Variants in NFXL1 observed in about 807,000 individuals in gnomAD.
NFXL1 encodes NF-X1-type zinc finger protein NFXL1.
In NFXL1, 66 loss-of-function variants were observed where a neutral mutation model predicts 123.3. The ratio of observed to expected loss-of-function variants is 0.54; its 90% CI spans 0.44 to 0.66. NFXL1 has a LOEUF of 0.66. Ranked by LOEUF, NFXL1 falls within the 30% of genes least tolerant of loss-of-function variation. The pLI, the probability that NFXL1 is intolerant of heterozygous loss-of-function variation, is 0.00. For missense variants in NFXL1, 944 were observed against 1,125.6 expected (o/e 0.84, Z 2.31); for synonymous variants, 346 against 360.8 (o/e 0.96, Z 0.46).
chr4:47,895,783 A>T lies in NFXL1; in HGVS notation c.1329+740T>A, dbSNP rs546317063. 2.0e-4 allele frequency among the ~76,000 whole-genome samples: 30 copies of T among 152,296 alleles called. 1 individual carries two copies. The South Asian group carries it at 6.2e-3, about 32-fold the overall frequency. ...GTAGCAATTTTAATTTCCTTCAGGA[A>T]CTTTTCCTTTGCATTCACAACATGG... On this transcript the variant is annotated intron_variant, in intron 10 of 22. Transcript: ENST00000507489.
At chr4:47,905,394 T>C (rs1175895199) in intron 3 of NFXL1, 48 bp from the exon 4 acceptor site, 2 of 880,332 alleles carry the variant, frequency 2.3e-6, no homozygotes, top group South Asian at 1.4e-5. Context: ...CATCTGAAAA[T>C]AACACAAACT....
intron 17 of NFXL1, chr4:47,877,280 A>C (rs1363332203): frequency 9.8e-6 from 4 of 406,326 alleles, no homozygotes; most frequent in Non-Finnish European, 2.0e-5. Flanking sequence ...TTACTAAATT[A>C]TCTTCCTGGA....
At chr4:47,913,148 T>G (rs1018565086) in intron 2 of NFXL1, among the ~76,000 whole-genome samples, 1 of 152,026 alleles carries the variant, frequency 6.6e-6, no homozygotes, top group Non-Finnish European at 1.5e-5. Context: ...GAAAAATCAT[T>G]CAAGATACTC....
intron 18 of NFXL1, among the ~76,000 whole-genome samples, chr4:47,871,574 C>T (rs533850278): frequency 7.2e-5 from 11 of 152,226 alleles, no homozygotes; most frequent in Admixed American, 7.2e-4. Context: ...TCAATGGATG[C>T]TAAAATTCGT....
chr4:47,874,806 T>A (rs996359000), intron 18 of NFXL1, among the ~76,000 whole-genome samples: 12 of 152,352 alleles, frequency 7.9e-5, no homozygotes, highest in Admixed American at 6.5e-4. Flanking sequence ...AAATTTTGAT[T>A]GAAAAAAATT....
Position 47,894,811 on chromosome 4 carries a change from T to C in NFXL1, c.1330-509A>G, listed in dbSNP as rs572605409. On this transcript the variant is annotated intron_variant, in intron 10 of 22. Transcript: ENST00000507489. ...ATGTTGATATTTTGACCTACTCTCGTTATAATGAATGTTCTGAATGGCATC... is the reference window on the plus strand; with the variant it reads ...ATGTTGATATTTTGACCTACTCTCGCTATAATGAATGTTCTGAATGGCATC... Among the ~76,000 whole-genome samples the C allele has an allele frequency of 2.6e-5, 4 of 152,326 alleles. No individual in the cohort carries two copies. The South Asian group carries it at 8.3e-4, about 32-fold the overall frequency.
At chr4:47,902,468 A>G (rs1203437093) in intron 5 of NFXL1, among the ~76,000 whole-genome samples, 1 of 152,214 alleles carries the variant, frequency 6.6e-6, no homozygotes, top group Non-Finnish European at 1.5e-5. Context: ...ATTGTATAAT[A>G]TACACCTGCA....
intron 19 of NFXL1, among the ~76,000 whole-genome samples, chr4:47,857,555 C>T (rs1283253605): frequency 2.0e-5 from 3 of 152,150 alleles, no homozygotes; most frequent in Admixed American, 1.3e-4. Context: ...ATTTCATTGA[C>T]GACTTCAAAG....
rs1002305984 is a variant in NFXL1, at chr4:47,851,159, A to G, written c.2509-11T>C. On this transcript the variant is annotated splice_polypyrimidine_tract_variant and intron_variant, in intron 21 of 22. Coordinates refer to ENST00000507489, the MANE Select transcript of NFXL1 (RefSeq NM_001278624.2). ...TTCTGCTTCTTTTATCTGTTTATACACATACAAAAGTCAATTTACAATTTA... is the reference window on the plus strand; with the variant it reads ...TTCTGCTTCTTTTATCTGTTTATACGCATACAAAAGTCAATTTACAATTTA... 6.2e-6 allele frequency: 10 copies of G among 1,600,404 alleles called. No homozygotes were observed. The highest frequency in any genetic ancestry group is 7.7e-6 in the Non-Finnish European group (9 of 1,168,478).
intron 19 of NFXL1, among the ~76,000 whole-genome samples, chr4:47,858,761 C>CA (rs936042452): frequency 6.6e-6 from 1 of 152,158 alleles, no homozygotes; most frequent in African/African-American, 2.4e-5. Context: ...TACAGTCAGA[C>CA]AGGGACCTTG....
chr4:47,894,302 C>T lies in NFXL1; in HGVS notation c.1330G>A (p.Glu444Lys). The T allele has an allele frequency of 6.4e-7, 1 of 1,573,676 alleles. No homozygotes were observed. Among genetic ancestry groups the T allele is most frequent in the Non-Finnish European group, 8.6e-7 (1 of 1,160,986 alleles). Residue 444 changes from glutamate to lysine, a missense_variant and splice_region_variant, in exon 11 of 23, where the codon GAA (glutamate) becomes AAA (lysine). Physicochemically the swap from Glu to Lys is moderately conservative, Grantham distance 56 (BLOSUM62 1). Coordinates refer to ENST00000507489, the MANE Select transcript of NFXL1 (RefSeq NM_001278624.2). ...CCACAGCGACAATGCTTTTCCACTT[C>T]CTGGAAGAATAAAAGAAATGCTATT... ...HRGPCETCRQ[E>K]VEKHCRCGKH...
At chr4:47,911,429 C>T (rs1737822404) in intron 2 of NFXL1, among the ~76,000 whole-genome samples, 1 of 152,110 alleles carries the variant, frequency 6.6e-6, no homozygotes, top group Non-Finnish European at 1.5e-5. Flanking sequence ...TTCAAACTAC[C>T]GTCTTCTGAA....
At position 47,848,075 on chromosome 4, in the gene NFXL1, A is replaced by C. The variant is rs1368128214; in HGVS notation, c.*88T>G. 6 of 774,168 alleles carry C rather than the reference A, an allele frequency of 7.8e-6. No individual in the cohort carries two copies. Among genetic ancestry groups the C allele is most frequent in the Non-Finnish European group, 1.2e-5 (6 of 493,852 alleles). 48.0% of individuals were successfully genotyped at this position (774,168 alleles called of 1,614,324 possible). A position where few individuals can be genotyped will look rare whatever the true frequency, so the allele number is the denominator to read the frequency against. ...ACAGAGATGAATGTAAATATATATCATGTTCTATAATATACATTTTCTAAT... is the reference window on the plus strand; with the variant it reads ...ACAGAGATGAATGTAAATATATATCCTGTTCTATAATATACATTTTCTAAT... On this transcript the variant is annotated 3_prime_UTR_variant, in exon 23 of 23. Transcript: ENST00000507489.
chr4:47,903,574 C>T (rs1737438231), intron 4 of NFXL1, among the ~76,000 whole-genome samples: 1 of 151,968 alleles, frequency 6.6e-6, no homozygotes, highest in African/African-American at 2.4e-5. Flanking sequence ...ACATTCTGGA[C>T]AATCTCCAAA....
At chr4:47,907,776 A>G (rs940647195) in intron 3 of NFXL1, among the ~76,000 whole-genome samples, 1 of 152,260 alleles carries the variant, frequency 6.6e-6, no homozygotes, top group Non-Finnish European at 1.5e-5. Flanking sequence ...TACTAGACTG[A>G]AAGACATTAT....
chr4:47,881,119 A>T (rs899913515), intron 15 of NFXL1, among the ~76,000 whole-genome samples: 1 of 152,042 alleles, frequency 6.6e-6, no homozygotes, highest in Non-Finnish European at 1.5e-5. Flanking sequence ...ATATCTATAG[A>T]TATAGATATC....
At chr4:47,852,040 G>T (rs1577980582) in intron 20 of NFXL1, 98 bp from the exon 21 acceptor site, 1 of 703,810 alleles carries the variant, frequency 1.4e-6, no homozygotes, top group Non-Finnish European at 2.5e-6. Flanking sequence ...AAGGTTATAA[G>T]TATTATTTGA....
At chr4:47,897,909 T>C in intron 9 of NFXL1, 58 bp downstream of exon 9, 1 of 1,083,028 alleles carries the variant, frequency 9.2e-7, no homozygotes, top group African/African-American at 1.6e-5. Context: ...CTTTTGAATG[T>C]CTTTTCATGG....
intron 12 of NFXL1, among the ~76,000 whole-genome samples, chr4:47,889,768 A>G (rs34229261): frequency 0.011 from 1,648 of 152,306 alleles, 10 homozygotes; most frequent in Non-Finnish European, 0.017. Context: ...AACTTATAAC[A>G]TAATTCTCAA....
Sources: allele counts gnomAD v4.1 joint callset (sites outside exome capture counted in the v4.1 genomes callset), GRCh38; gene constraint gnomAD v4.1.1; transcripts MANE v1.5; gene names NCBI Gene and HGNC (gene_info 2026-07-23, HGNC 2026-07-21).